Variants in GALC observed in about 807,000 individuals in gnomAD.
GALC encodes the protein galactocerebrosidase.
GALC carries 77 observed loss-of-function variants against 91.8 expected under a neutral mutation model. The observed-to-expected ratio is 0.84, with a 90% CI of 0.70 to 1.01. The LOEUF is 1.01. Among genes scored for constraint, GALC ranks in the 50% least tolerant of loss-of-function variants. The probability of loss-of-function intolerance (pLI) is 0.00; values close to 1 mark genes in which losing one functional copy is unlikely to be tolerated. For synonymous variants in GALC, 357 were observed against 306.7 expected, an observed-to-expected ratio of 1.16 and a Z score of -1.71; for missense variants, 882 against 855.9, an observed-to-expected ratio of 1.03 and a Z score of -0.38.
At chr14:87,936,890 C>T (rs1884589270) in intron 16 of GALC, among the ~76,000 whole-genome samples, 1 of 25,142 alleles carries the variant, frequency 4.0e-5, no homozygotes, top group Non-Finnish European at 9.0e-5. Context: ...TACCACATAT[C>T]AGGTACTATA....
intron 4 of GALC, among the ~76,000 whole-genome samples, chr14:87,985,090 A>T (rs1886914465): frequency 6.6e-6 from 1 of 152,248 alleles, no homozygotes; most frequent in Non-Finnish European, 1.5e-5. Context: ...TCCATAGAGA[A>T]ATATACCCTT....
rs906166895 is a variant in GALC at position 87,933,186 on chromosome 14, G to A, written c.*1546C>T. The A allele has an allele frequency of 2.0e-5, 3 of 152,322 alleles. No individual in the cohort carries two copies. The South Asian group carries it at 6.2e-4, about 32-fold the overall frequency. The allele number at this position is 152,322 out of a possible 1,614,324, so 9.4% of individuals were successfully genotyped here. Reference sequence around the variant, plus strand: ...GCTGATGGAAAGAAACCATTCATAAGAATACACAGTACATGACGCCGCTTT... The same window carrying A: ...GCTGATGGAAAGAAACCATTCATAAAAATACACAGTACATGACGCCGCTTT... On this transcript the variant is annotated 3_prime_UTR_variant, in exon 17 of 17. Transcript: ENST00000261304.
intron 14 of GALC, among the ~76,000 whole-genome samples, chr14:87,941,934 A>G (rs17759366): frequency 0.11 from 16,806 of 151,808 alleles, 1,150 homozygotes; most frequent in Non-Finnish European, 0.16. Flanking sequence ...CTGAGGGAAA[A>G]TGTTTATTCA....
At chr14:87,954,267 G>T (rs1885426593) in intron 10 of GALC, 3 of 1,536,004 alleles carry the variant, frequency 2.0e-6, no homozygotes, top group African/African-American at 1.4e-5. Context: ...TCAGCCTGAT[G>T]TATTAGTCCA....
Position 87,965,608 on chromosome 14 carries a change from C to T in GALC, c.930G>A (p.Val310=). 1 of 1,613,342 alleles carries T rather than the reference C, an allele frequency of 6.2e-7. No homozygotes were observed. The highest frequency in any genetic ancestry group is 1.3e-5 in the African/African-American group (1 of 74,960). ...YMTSTIAWNL[V]ASYYEQLPYG... is the part of the protein sequence containing the mutation. ...AAGGCAACTGTTCATAGTAACTAGC[C>T]ACTAAATTCCATGCGATTGTGCTAA... is the stretch of plus-strand genomic sequence containing the variant. Residue 310 remains valine (V), a synonymous_variant, in exon 9 of 17, where the codon GTG becomes GTA. Coordinates refer to ENST00000261304, the MANE Select transcript of GALC (RefSeq NM_000153.4).
chr14:87,990,798 TG>T (rs1476412750), intron 1 of GALC, among the ~76,000 whole-genome samples: 2 of 152,164 alleles, frequency 1.3e-5, no homozygotes, highest in Non-Finnish European at 2.9e-5. Context: ...TATAACCAAA[TG>T]TTAAAATGCA....
rs753898385 is a variant in GALC at position 87,954,085 on chromosome 14, A to G, written c.1162-3337T>C. 20 of 1,609,782 alleles carry G rather than the reference A, an allele frequency of 1.2e-5. 1 individual carries two copies. The highest frequency in any genetic ancestry group is 1.6e-5 in the Non-Finnish European group (19 of 1,178,106). On this transcript the variant is annotated intron_variant, in intron 10 of 16. Transcript: ENST00000261304. ...TCAACATTTAGCAGTCAGTTATTAA[A>G]TCTTGGGAGTTATTCATCTATTCAG...
intron 6 of GALC, 112 bp downstream of exon 6, chr14:87,982,093 A>AT: frequency 1.6e-6 from 1 of 615,540 alleles, no homozygotes; most frequent in Non-Finnish European, 2.9e-6. Flanking sequence ...TAACTGTAGT[A>AT]TAAAAAATAC....
At position 87,993,100 on chromosome 14, in the gene GALC, C is replaced by T. The variant is rs372285275; in HGVS notation, c.65G>A (p.Gly22Asp). The change falls in exon 1 of 17, where the codon GGT (glycine) becomes GAT (aspartate). Residue 22 changes from glycine to aspartate, a missense_variant. Coordinates refer to ENST00000261304, the MANE Select transcript of GALC (RefSeq NM_000153.4). ...GGGCACCGCGGCGCGGCCCGCCGAA[C>T]CCGCGGCCGCAGTCATAGCTTTCGC... Reference protein sequence around the residue: ...RRAKAMTAAAGSAGRAAVPLL... With the variant: ...RRAKAMTAAADSAGRAAVPLL... 76 of 1,587,562 alleles carry T rather than the reference C, an allele frequency of 4.8e-5. No homozygotes were observed. In the African/African-American group the frequency reaches 6.6e-4, roughly 14 times the overall value.
At chr14:87,979,010 T>C (rs1886629637) in intron 6 of GALC, among the ~76,000 whole-genome samples, 3 of 152,166 alleles carry the variant, frequency 2.0e-5, no homozygotes, top group South Asian at 2.1e-4. Context: ...TTCGTCATTA[T>C]TGAACTCTTT....
chr14:87,990,433 G>C (rs1490908581), intron 1 of GALC, among the ~76,000 whole-genome samples: 1 of 152,078 alleles, frequency 6.6e-6, no homozygotes, highest in Admixed American at 6.6e-5. Flanking sequence ...TAAAGGACTT[G>C]GCACATTACC....
At chr14:87,962,066 T>C (rs937966486) in intron 10 of GALC, among the ~76,000 whole-genome samples, 6 of 152,142 alleles carry the variant, frequency 3.9e-5, no homozygotes, top group Non-Finnish European at 8.8e-5. Context: ...TGGCTTGACT[T>C]CCCACCTGTT....
Position 87,988,128 on chromosome 14 carries a change from TC to T in GALC, c.328+15del. On this transcript the variant is annotated intron_variant, in intron 3 of 16. Coordinates refer to ENST00000261304, the MANE Select transcript of GALC (RefSeq NM_000153.4). ...AAATGTTGATGGGAGAAATCCTATCTCCCAAATTCTCCTACCTGTTGTCTGC... is the reference window on the plus strand; with the variant it reads ...AAATGTTGATGGGAGAAATCCTATCTCCAAATTCTCCTACCTGTTGTCTGC... The T allele has an allele frequency of 6.2e-7, 1 of 1,605,018 alleles. No individual in the cohort carries two copies. Among genetic ancestry groups the T allele is most frequent in the Non-Finnish European group, 8.5e-7 (1 of 1,171,838 alleles).
At chr14:87,943,748 A>G (rs1446520995) in intron 14 of GALC, among the ~76,000 whole-genome samples, 1 of 152,006 alleles carries the variant, frequency 6.6e-6, no homozygotes, top group African/African-American at 2.4e-5. Flanking sequence ...TCCTTTTCCC[A>G]CAATAAGTGG....
chr14:87,993,273 C>T (rs1007474859), upstream of GALC: 31 of 1,537,140 alleles, frequency 2.0e-5, no homozygotes, highest in South Asian at 6.0e-5. Context: ...ATTTTGAGTG[C>T]GGGTCAAGGG....
At chr14:87,989,255 T>C (rs1595241892) in intron 1 of GALC, among the ~76,000 whole-genome samples, 1 of 152,250 alleles carries the variant, frequency 6.6e-6, no homozygotes, top group Admixed American at 6.5e-5. Flanking sequence ...CAGTCCTAGG[T>C]TCAAACTGCT....
At chr14:87,957,228 T>G (rs1447818714) in intron 10 of GALC, among the ~76,000 whole-genome samples, 19 of 152,168 alleles carry the variant, frequency 1.2e-4, no homozygotes. Flanking sequence ...ACTCCAATGA[T>G]TCTTTGCTTT....
chr14:87,986,082 A>G (rs183368541), intron 4 of GALC, among the ~76,000 whole-genome samples: 1 of 152,350 alleles, frequency 6.6e-6, no homozygotes, highest in East Asian at 1.9e-4. Flanking sequence ...TGTAATATAC[A>G]TTTTTGTGAA....
rs1886688586 is a variant in GALC at position 87,980,386 on chromosome 14, A to AC, written c.621+1818_621+1819insG. The AC allele has an allele frequency of 5.7e-6, 3 of 529,120 alleles. No individual in the cohort carries two copies. In the African/African-American group the frequency reaches 6.2e-5, roughly 11 times the overall value. The allele number at this position is 529,120 out of a possible 1,614,324, so 32.8% of individuals were successfully genotyped here. A position where few individuals can be genotyped will look rare whatever the true frequency, so the allele number is the denominator to read the frequency against. The stretch of plus-strand genomic sequence containing the variant: ...GACAGAGAGAGACTCTGTCAAAAAA[A>AC]AAAAAAAAGCCATTATTCCAGTGAA... On this transcript the variant is annotated intron_variant, in intron 6 of 16. Transcript: ENST00000261304.
Sources: allele counts gnomAD v4.1 joint callset (sites outside exome capture counted in the v4.1 genomes callset), GRCh38; gene constraint gnomAD v4.1.1; transcripts MANE v1.5; gene names NCBI Gene and HGNC (gene_info 2026-07-23, HGNC 2026-07-21).